RERG: variants seen among roughly 807,000 people sequenced by gnomAD.
RERG encodes RAS like estrogen regulated growth inhibitor, also known as ras-related and estrogen-regulated growth inhibitor.
In RERG, 25 loss-of-function variants were observed where a neutral mutation model predicts 23.2. The observed-to-expected ratio is 1.08, with a 90% CI of 0.79 to 1.50. The LOEUF is 1.50. Ranked by LOEUF, RERG falls within the 40% of genes most tolerant of loss-of-function variation. The pLI is 0.00. For synonymous variants in RERG, 81 were observed against 89.1 expected (o/e 0.91, Z 0.51); for missense variants, 253 against 250.1 (o/e 1.01, Z -0.08).
chr12:15,112,655 T>C (rs1265154236), intron 3 of RERG, among the ~76,000 whole-genome samples: 2 of 152,134 alleles, frequency 1.3e-5, no homozygotes, highest in Non-Finnish European at 2.9e-5. Flanking sequence ...GAGAGTTAGG[T>C]TGAGGAACTC....
At chr12:15,177,959 G>T (rs114383698) in intron 2 of RERG, among the ~76,000 whole-genome samples, 1,961 of 151,746 alleles carry the variant, frequency 0.013, 39 homozygotes, top group African/African-American at 0.044. Flanking sequence ...ACAGAAATGG[G>T]GAGCTGGATG....
chr12:15,136,947 G>A (rs1231955797), intron 2 of RERG, among the ~76,000 whole-genome samples: 1 of 151,922 alleles, frequency 6.6e-6, no homozygotes, highest in Non-Finnish European at 1.5e-5. Flanking sequence ...GTTGAACTAT[G>A]TCCTTACTGA....
At chr12:15,183,227 T>C (rs988001966) in intron 2 of RERG, among the ~76,000 whole-genome samples, 3 of 152,200 alleles carry the variant, frequency 2.0e-5, no homozygotes, top group African/African-American at 7.2e-5. Context: ...TATTATATTG[T>C]CTTTAATGGT....
intron 2 of RERG, among the ~76,000 whole-genome samples, chr12:15,134,300 T>G (rs920615677): frequency 5.3e-5 from 8 of 151,696 alleles, no homozygotes; most frequent in Non-Finnish European, 1.2e-4. Context: ...CCAGGTTCAT[T>G]TTTTTCTTTT....
intron 2 of RERG, among the ~76,000 whole-genome samples, chr12:15,190,341 C>A (rs371061244): frequency 6.6e-6 from 1 of 152,250 alleles, no homozygotes; most frequent in African/African-American, 2.4e-5. Context: ...AATCTCATAA[C>A]ATTTTAAGAA....
Position 15,109,301 on chromosome 12 carries a change from C to T in RERG, c.409G>A (p.Ala137Thr), listed in dbSNP as rs768629192. ...TAAAAAGCACAAGCCAATTCTGTGG[C>T]CAGCTTCTCTCCTTCTTCTGTGCTA... is the stretch of plus-strand genomic sequence containing the variant. ...QVSTEEGEKLATELACAFYEC... is the reference protein window; with the variant it reads ...QVSTEEGEKLTTELACAFYEC... The change falls in exon 5 of 5, where the codon GCC (alanine) becomes ACC (threonine). Residue 137 changes from alanine (A) to threonine (T), a missense_variant. Transcript: ENST00000256953. 1 of 1,613,974 alleles carries T rather than the reference C, an allele frequency of 6.2e-7. No individual in the cohort carries two copies. Among genetic ancestry groups the T allele is most frequent in the Admixed American group, 1.7e-5 (1 of 60,002 alleles).
At chr12:15,115,332 A>G (rs1202568841) in intron 3 of RERG, among the ~76,000 whole-genome samples, 4 of 152,172 alleles carry the variant, frequency 2.6e-5, no homozygotes, top group Admixed American at 1.3e-4. Context: ...TAACTTGCCC[A>G]AGGTCACACA....
chr12:15,211,062 A>G (rs1464765234), intron 2 of RERG, among the ~76,000 whole-genome samples: 1 of 152,088 alleles, frequency 6.6e-6, no homozygotes, highest in Non-Finnish European at 1.5e-5. Context: ...ACATACACAC[A>G]TGTGTTAAGG....
At chr12:15,130,945 G>A (rs2136095377) in intron 2 of RERG, among the ~76,000 whole-genome samples, 1 of 152,124 alleles carries the variant, frequency 6.6e-6, no homozygotes, top group East Asian at 1.9e-4. Context: ...GAAATGGTAA[G>A]GTAAAGGTTA....
At chr12:15,217,250 G>T (rs1865451988) in intron 2 of RERG, 179 bp downstream of exon 2, 1 of 563,480 alleles carries the variant, frequency 1.8e-6, no homozygotes, top group Non-Finnish European at 3.2e-6. Context: ...TAAGCAAAAG[G>T]ATACGTAACA....
chr12:15,109,244 T>C lies in RERG; in HGVS notation c.466A>G (p.Ile156Val). The C allele has an allele frequency of 6.2e-7, 1 of 1,614,172 alleles. No individual in the cohort carries two copies. Among genetic ancestry groups the C allele is most frequent in the South Asian group, 1.1e-5 (1 of 91,082 alleles). The change falls in exon 5 of 5, where the codon ATC becomes GTC. Residue 156 changes from isoleucine to valine, a missense_variant. Ile to Val is a conservative substitution (Grantham distance 29). Transcript: ENST00000256953. ...ECSACTGEGNITEIFYELCRE... is the reference protein window; with the variant it reads ...ECSACTGEGNVTEIFYELCRE... ...CACAATTCATAGAATATCTCTGTGA[T>C]GTTCCCTTCTCCAGTGCAGGCAGAG... is the stretch of plus-strand genomic sequence containing the variant.
intron 2 of RERG, among the ~76,000 whole-genome samples, chr12:15,121,417 T>C (rs1318884595): frequency 6.6e-6 from 1 of 152,178 alleles, no homozygotes; most frequent in Non-Finnish European, 1.5e-5. Flanking sequence ...AAAATGCTTA[T>C]ATATAAAATT....
At chr12:15,173,512 TA>T (rs919251932) in intron 2 of RERG, among the ~76,000 whole-genome samples, 1 of 151,964 alleles carries the variant, frequency 6.6e-6, no homozygotes, top group African/African-American at 2.4e-5. Context: ...AAATTCCAGA[TA>T]AAAAAATTTT....
Position 15,143,860 on chromosome 12 carries a change from G to A in RERG, c.62-22741C>T, listed in dbSNP as rs572035443. Among the ~76,000 whole-genome samples the A allele has an allele frequency of 1.1e-3, 169 of 152,280 alleles. 1 individual carries two copies. Among genetic ancestry groups the A allele is most frequent in the African/African-American group, 3.6e-3 (151 of 41,562 alleles). ...CCAAAGAAGGTTTCACTAACAAGAT[G>A]TCATCTAGGCAAAGACCCAAAGCAG... On this transcript the variant is annotated intron_variant, in intron 2 of 4. Transcript: ENST00000256953.
chr12:15,195,635 TTACCCAAA>T (rs1468123641), intron 2 of RERG, among the ~76,000 whole-genome samples: 1 of 150,076 alleles, frequency 6.7e-6, no homozygotes, highest in African/African-American at 2.4e-5. Context: ...GTTTAGTTAA[TTACCCAAA>T]TCCATTCAGC....
intron 2 of RERG, among the ~76,000 whole-genome samples, chr12:15,190,618 A>G (rs989384117): frequency 6.6e-6 from 1 of 152,210 alleles, no homozygotes; most frequent in Non-Finnish European, 1.5e-5. Flanking sequence ...CAGGTTAAGT[A>G]GCTGAAAACA....
intron 2 of RERG, among the ~76,000 whole-genome samples, chr12:15,197,978 C>T (rs1317005513): frequency 6.6e-6 from 1 of 152,102 alleles, no homozygotes; most frequent in Non-Finnish European, 1.5e-5. Flanking sequence ...AGGTCTTGCC[C>T]TCAGAATAAC....
intron 2 of RERG, among the ~76,000 whole-genome samples, chr12:15,136,926 G>C (rs923163009): frequency 6.6e-6 from 1 of 151,908 alleles, no homozygotes; most frequent in Non-Finnish European, 1.5e-5. Flanking sequence ...GTTTATTTAT[G>C]GTGCTATTGA....
intron 2 of RERG, among the ~76,000 whole-genome samples, chr12:15,215,966 C>A (rs1865435902): frequency 1.3e-5 from 2 of 152,146 alleles, no homozygotes; most frequent in South Asian, 4.1e-4. Context: ...ACAAATGATA[C>A]AAGGTTTTAA....
Sources: gnomAD v4.1 joint callset for allele counts (sites outside exome capture counted in the v4.1 genomes callset) on GRCh38, gnomAD v4.1.1 for gene constraint, MANE v1.5 for transcripts, NCBI Gene and HGNC (gene_info 2026-07-23, HGNC 2026-07-21) for gene names.